The following HTR1F variants were observed in gnomAD, a reference collection of about 807,000 sequenced individuals.
HTR1F encodes the protein 5-hydroxytryptamine (serotonin) receptor 1F, G protein-coupled.
In HTR1F, 17 loss-of-function variants were observed where a neutral mutation model predicts 24.0. That is an observed-to-expected ratio of 0.71 (90% CI 0.48 to 1.06). The LOEUF is 1.06. Ranked by LOEUF, HTR1F falls within the 50% of genes least tolerant of loss-of-function variation. The pLI is 0.00. For missense variants in HTR1F, 391 were observed against 427.8 expected (o/e 0.91, Z 0.76); for synonymous variants, 186 against 156.8 (o/e 1.19, Z -1.39).
At chr3:87,805,301 T>G (rs56081166) in intron 1 of HTR1F, among the ~76,000 whole-genome samples, 8,173 of 152,154 alleles carry the variant, frequency 0.054, 280 homozygotes, top group Middle Eastern at 0.092. Context: ...GCAGAAAAGT[T>G]AAGATATTTA....
At chr3:87,830,490 C>G (rs1444584468) in intron 2 of HTR1F, among the ~76,000 whole-genome samples, 5 of 152,070 alleles carry the variant, frequency 3.3e-5, no homozygotes, top group Non-Finnish European at 7.4e-5. Flanking sequence ...AATGATATAA[C>G]TTCATTATTC....
At chr3:87,883,664 T>C (rs1472956155) in intron 2 of HTR1F, among the ~76,000 whole-genome samples, 1 of 152,116 alleles carries the variant, frequency 6.6e-6, no homozygotes, top group African/African-American at 2.4e-5. Context: ...CTGATGGAGC[T>C]GAAAACCATG....
chr3:87,816,710 C>T (rs1704257086), intron 1 of HTR1F, among the ~76,000 whole-genome samples: 1 of 152,072 alleles, frequency 6.6e-6, no homozygotes, highest in African/African-American at 2.4e-5. Flanking sequence ...CCCCCACCTT[C>T]AGTCTGAATG....
intron 2 of HTR1F, among the ~76,000 whole-genome samples, chr3:87,959,906 A>C (rs1465980887): frequency 1.3e-5 from 2 of 151,962 alleles, no homozygotes; most frequent in Non-Finnish European, 2.9e-5. Context: ...AAGATATCAA[A>C]CTTTAAATTG....
At position 87,895,255 on chromosome 3, in the gene HTR1F, A is replaced by C. The variant is rs536959762; in HGVS notation, c.-43+73131A>C. On this transcript the variant is annotated intron_variant, in intron 2 of 2. Coordinates refer to ENST00000319595, the MANE Select transcript of HTR1F (RefSeq NM_001322209.2). Reference sequence around the variant, plus strand: ...TAGATGAAATAATATGTGTGTAAATATGTATATATACACTTTATACAGATT... The same window carrying C: ...TAGATGAAATAATATGTGTGTAAATCTGTATATATACACTTTATACAGATT... 8.5e-5 allele frequency among the ~76,000 whole-genome samples: 13 copies of C among 152,276 alleles called. No individual in the cohort carries two copies. The South Asian group carries it at 2.1e-3, about 24-fold the overall frequency.
Position 87,876,937 on chromosome 3 carries a change from G to T in HTR1F, c.-43+54813G>T, listed in dbSNP as rs73845089. Among the ~76,000 whole-genome samples the T allele has an allele frequency of 5.7e-3, 873 of 151,968 alleles. 4 individuals are homozygous for T. Among genetic ancestry groups the T allele is most frequent in the African/African-American group, 0.02 (835 of 41,446 alleles). ...AAAATCACTAAGGTGGTAAATTTTC[G>T]TTAAGATGGTAAATTTTATGATATG... On this transcript the variant is annotated intron_variant, in intron 2 of 2. Transcript: ENST00000319595.
At position 87,802,235 on chromosome 3, in the gene HTR1F, CCCTT is replaced by C. The variant is rs1207971627; in HGVS notation, c.-160+9411_-160+9414del. Among the ~76,000 whole-genome samples the C allele has an allele frequency of 1.7e-3, 72 of 41,740 alleles. 2 individuals are homozygous for C. Among genetic ancestry groups the C allele is most frequent in the Admixed American group, 3.0e-3 (13 of 4,392 alleles). The allele number at this position is 41,740 out of a possible 152,430, so 27.4% of individuals were successfully genotyped here. A position where few individuals can be genotyped will look rare whatever the true frequency, so the allele number is the denominator to read the frequency against. ...TCCCTCCCTCTCTCCCTCCCTCCCT[CCCTT>C]CCTTCCTTCCTTCCTTCTTTTTCTT... On this transcript the variant is annotated intron_variant, in intron 1 of 2. Coordinates refer to ENST00000319595, the MANE Select transcript of HTR1F (RefSeq NM_001322209.2).
intron 2 of HTR1F, among the ~76,000 whole-genome samples, chr3:87,903,417 AC>A (rs929752159): frequency 1.9e-4 from 29 of 152,294 alleles, no homozygotes; most frequent in African/African-American, 6.5e-4. Flanking sequence ...ATGAACTCAA[AC>A]AAAGTTACAG....
chr3:87,909,208 G>C (rs970323624), intron 2 of HTR1F, among the ~76,000 whole-genome samples: 1 of 151,944 alleles, frequency 6.6e-6, no homozygotes, highest in African/African-American at 2.4e-5. Flanking sequence ...GTGTGGAGTG[G>C]CTATATGGAA....
chr3:87,964,672 G>C lies in HTR1F; in HGVS notation c.-42-26036G>C, dbSNP rs546526903. Reference sequence around the variant, plus strand: ...AGAGGGTTAGTAAAGGGAAAGAAGAGCAAAGAAAAATGTAGATGGGAGAGA... The same window carrying C: ...AGAGGGTTAGTAAAGGGAAAGAAGACCAAAGAAAAATGTAGATGGGAGAGA... On this transcript the variant is annotated intron_variant, in intron 2 of 2. Coordinates refer to ENST00000319595, the MANE Select transcript of HTR1F (RefSeq NM_001322209.2). 3.9e-5 allele frequency among the ~76,000 whole-genome samples: 6 copies of C among 152,300 alleles called. No individual in the cohort carries two copies. In the South Asian group the frequency reaches 1.2e-3, roughly 32 times the overall value.
intron 2 of HTR1F, among the ~76,000 whole-genome samples, chr3:87,855,201 C>T (rs539473209): frequency 6.6e-6 from 1 of 152,208 alleles, no homozygotes; most frequent in South Asian, 2.1e-4. Context: ...GCTCTCTGCT[C>T]CTCTGTTCCC....
At chr3:87,940,703 C>T (rs1268782625) in intron 2 of HTR1F, among the ~76,000 whole-genome samples, 1 of 152,152 alleles carries the variant, frequency 6.6e-6, no homozygotes, top group South Asian at 2.1e-4. Flanking sequence ...AAGCTGGAGG[C>T]ATCATGCTAC....
rs189294916 is a variant in HTR1F, at chr3:87,862,999, T to G, written c.-43+40875T>G. Reference sequence around the variant, plus strand: ...CACTGGCTAATTTTTGTATTTTTAGTAGAGATGGGGTTTCACCATTTCGGC... The same window carrying G: ...CACTGGCTAATTTTTGTATTTTTAGGAGAGATGGGGTTTCACCATTTCGGC... On this transcript the variant is annotated intron_variant, in intron 2 of 2. Coordinates refer to ENST00000319595, the MANE Select transcript of HTR1F (RefSeq NM_001322209.2). Among the ~76,000 whole-genome samples, 41 of 152,228 alleles carry G rather than the reference T, an allele frequency of 2.7e-4. No individual in the cohort carries two copies. The East Asian group carries it at 7.0e-3, about 26-fold the overall frequency.
At chr3:87,795,038 A>G (rs1040150665) in intron 1 of HTR1F, among the ~76,000 whole-genome samples, 23 of 122,020 alleles carry the variant, frequency 1.9e-4, no homozygotes, top group African/African-American at 6.8e-4. Context: ...TCCACGCTGG[A>G]GTGCAGTTGC....
chr3:87,948,711 G>A (rs1188594114), intron 2 of HTR1F, among the ~76,000 whole-genome samples: 1 of 152,134 alleles, frequency 6.6e-6, no homozygotes, highest in African/African-American at 2.4e-5. Context: ...CAACTCTGGG[G>A]TTCAAGTGAT....
intron 2 of HTR1F, among the ~76,000 whole-genome samples, chr3:87,929,460 C>T (rs1341023980): frequency 6.6e-6 from 1 of 152,156 alleles, no homozygotes; most frequent in Non-Finnish European, 1.5e-5. Flanking sequence ...CACTTAACTT[C>T]TCTGTATTGG....
At chr3:87,824,088 T>C (rs1452795327) in intron 2 of HTR1F, among the ~76,000 whole-genome samples, 1 of 151,972 alleles carries the variant, frequency 6.6e-6, no homozygotes, top group Non-Finnish European at 1.5e-5. Flanking sequence ...TCCCAGATCT[T>C]TATCCCAGCC....
At chr3:87,798,324 C>T (rs1000194674) in intron 1 of HTR1F, among the ~76,000 whole-genome samples, 10 of 152,030 alleles carry the variant, frequency 6.6e-5, no homozygotes, top group Non-Finnish European at 1.3e-4. Flanking sequence ...CCCTCTAGGC[C>T]GATTGTCAAG....
At chr3:87,853,620 T>C (rs923802552) in intron 2 of HTR1F, among the ~76,000 whole-genome samples, 2 of 151,828 alleles carry the variant, frequency 1.3e-5, no homozygotes, top group African/African-American at 4.8e-5. Flanking sequence ...GGTATTTCTG[T>C]TTTTAGGTCT....
Sources: allele counts gnomAD v4.1 joint callset (sites outside exome capture counted in the v4.1 genomes callset), GRCh38; gene constraint gnomAD v4.1.1; transcripts MANE v1.5; gene names NCBI Gene and HGNC (gene_info 2026-07-23, HGNC 2026-07-21).